Variants in SYNE1 observed in about 807,000 individuals in gnomAD.
SYNE1 encodes spectrin repeat containing nuclear envelope protein 1, also known as nesprin-1.
In SYNE1, 616 loss-of-function variants were observed where a neutral mutation model predicts 1,111.0. The ratio of observed to expected loss-of-function variants is 0.55; its 90% CI spans 0.52 to 0.59. The LOEUF is 0.59. Ranked by LOEUF, SYNE1 falls within the 20% of genes least tolerant of loss-of-function variation. The pLI is 0.00. For synonymous variants in SYNE1, 3,855 were observed against 3,825.8 expected, an observed-to-expected ratio of 1.01 and a Z score of -0.28; for missense variants, 10,006 against 10,417.0, an observed-to-expected ratio of 0.96 and a Z score of 1.72.
chr6:152,605,033 A>AGGGG (rs1284002995), intron 3 of SYNE1, among the ~76,000 whole-genome samples: 20 of 25,432 alleles, frequency 7.9e-4, no homozygotes, highest in African/African-American at 1.8e-3. Flanking sequence ...AGAGAGAGAG[A>AGGGG]GAGGGAGGGA....
chr6:152,163,227 G>A (rs1206929776), intron 131 of SYNE1, among the ~76,000 whole-genome samples: 4 of 152,236 alleles, frequency 2.6e-5, no homozygotes. Flanking sequence ...GCCTGGCACA[G>A]TGGCTCACGC....
In SYNE1 at chr6:152,456,015, C is replaced by G. The variant is rs1288453744; in HGVS notation, c.2598G>C (p.Lys866Asn). The G allele has an allele frequency of 6.2e-7, 1 of 1,613,870 alleles. No homozygotes were observed. Among genetic ancestry groups the G allele is most frequent in the African/African-American group, 1.3e-5 (1 of 75,044 alleles). Residue 866 changes from lysine (K) to asparagine (N), a missense_variant, in exon 23 of 146, where the codon AAG becomes AAC. Lys to Asn is a moderately conservative substitution (Grantham distance 94). Around this residue, in one of 7 missense-constraint regions of SYNE1, gnomAD observed 1,971 missense variants for 2,084.1 expected, o/e 0.95. Transcript: ENST00000367255. Reference sequence around the variant, plus strand: ...CTTTCTCAATAAGTGTCAAGGTTTTCTTACAGTTTTCTTGACAAGCTAACA... The same window carrying G: ...CTTTCTCAATAAGTGTCAAGGTTTTGTTACAGTTTTCTTGACAAGCTAACA... ...QELLACQENC[K>N]KTLTLIEKGS...
At chr6:152,236,070 A>G (rs1203818320) in intron 110 of SYNE1, 37 bp downstream of exon 110, 1 of 1,596,964 alleles carries the variant, frequency 6.3e-7, no homozygotes, top group Admixed American at 1.7e-5. Context: ...ACAATGCAGC[A>G]CTTATCTAAA....
intron 44 of SYNE1, among the ~76,000 whole-genome samples, chr6:152,408,511 T>C (rs1053807934): frequency 3.3e-5 from 5 of 152,198 alleles, no homozygotes; most frequent in Admixed American, 2.6e-4. Context: ...TTCAGAGTTA[T>C]AACTTGTTAT....
chr6:152,289,925 C>A (rs867793738), intron 95 of SYNE1, among the ~76,000 whole-genome samples: 2 of 130,000 alleles, frequency 1.5e-5, no homozygotes, highest in Non-Finnish European at 3.2e-5. Context: ...CGCGCCCAGC[C>A]TTTTTTTTTT....
At chr6:152,315,286 C>G (rs984149494) in intron 87 of SYNE1, 1 of 149,722 alleles carries the variant, frequency 6.7e-6, no homozygotes, top group Non-Finnish European at 1.5e-5. Flanking sequence ...ACTGCAACCT[C>G]CACCTCCCGA....
In SYNE1 at chr6:152,310,412, T is replaced by A. The variant is rs2095512155; in HGVS notation, c.17003A>T (p.Gln5668Leu). ...TTGGCTTACCTGCCGATGAGAGAGC[T>A]GCTCCTTGAGACTGAGACGTCCAAC... Reference protein sequence around the residue: ...PEVGRLSLKEQLSHRQHLLSE... With the variant: ...PEVGRLSLKELLSHRQHLLSE... Residue 5668 changes from glutamine to leucine, a missense_variant, in exon 89 of 146, where the codon CAG becomes CTG. Coordinates refer to ENST00000367255, the MANE Select transcript of SYNE1 (RefSeq NM_182961.4). 3 of 1,614,084 alleles carry A rather than the reference T, an allele frequency of 1.9e-6. No individual in the cohort carries two copies. Among genetic ancestry groups the A allele is most frequent in the Non-Finnish European group, 2.5e-6 (3 of 1,180,054 alleles).
At chr6:152,470,866 G>T (rs532925634) in intron 16 of SYNE1, among the ~76,000 whole-genome samples, 1 of 152,260 alleles carries the variant, frequency 6.6e-6, no homozygotes, top group Admixed American at 6.5e-5. Context: ...AAATTAATTT[G>T]TAGGATGGCC....
intron 78 of SYNE1, 134 bp from the exon 79 acceptor site, chr6:152,326,767 G>T: frequency 1.2e-6 from 1 of 822,686 alleles, no homozygotes; most frequent in South Asian, 1.6e-5. Flanking sequence ...ATAAGTTAGT[G>T]GAATATTTTT....
intron 129 of SYNE1, among the ~76,000 whole-genome samples, chr6:152,177,307 A>G (rs573110008): frequency 3.9e-5 from 6 of 152,284 alleles, no homozygotes; most frequent in Admixed American, 2.6e-4. Flanking sequence ...TTAACTGACG[A>G]TGAAAGGACA....
chr6:152,272,966 T>C (rs764629283), intron 98 of SYNE1, among the ~76,000 whole-genome samples: 1 of 152,246 alleles, frequency 6.6e-6, no homozygotes, highest in Non-Finnish European at 1.5e-5. Flanking sequence ...GCTCCTTTTC[T>C]TCCCACAGAT....
At chr6:152,477,381 T>C (rs2098841262) in intron 14 of SYNE1, among the ~76,000 whole-genome samples, 1 of 152,094 alleles carries the variant, frequency 6.6e-6, no homozygotes, top group South Asian at 2.1e-4. Context: ...GAGGGGACCT[T>C]TTAGTAAAGG....
rs771370749 is a variant in SYNE1, at chr6:152,281,928, CT to C, written c.18259del (p.Arg6087GlyfsTer14). 1 of 1,614,184 alleles carries C rather than the reference CT, an allele frequency of 6.2e-7. No individual in the cohort carries two copies. The highest frequency in any genetic ancestry group is 1.7e-5 in the Admixed American group (1 of 60,020). ...CAGCTCATCGGCTTCACAGCGATAC[CT>C]CTGCAGGGCCTGTTCCTGCCTTTGT... is the stretch of plus-strand genomic sequence containing the variant. ...EEQRQEQALQ[R>X]YRCEADELDS... On this transcript the variant is annotated frameshift_variant, in exon 97 of 146. Coordinates refer to ENST00000367255, the MANE Select transcript of SYNE1 (RefSeq NM_182961.4). LOFTEE classifies it high-confidence loss of function.
intron 135 of SYNE1, 68 bp from the exon 136 acceptor site, chr6:152,149,736 T>C (rs1469305247): frequency 5.9e-6 from 8 of 1,355,528 alleles, no homozygotes; most frequent in African/African-American, 5.8e-5. Context: ...AGAATCATAA[T>C]AGATGTATTT....
At chr6:152,481,279 T>C (rs146892052) in intron 14 of SYNE1, 20 of 248,148 alleles carry the variant, frequency 8.1e-5, no homozygotes, top group African/African-American at 4.0e-4. Context: ...CTGGACCTCG[T>C]CTGTGCCCCT....
chr6:152,428,334 G>T lies in SYNE1; in HGVS notation c.4847C>A (p.Ala1616Asp). 1 of 1,614,104 alleles carries T rather than the reference G, an allele frequency of 6.2e-7. No individual in the cohort carries two copies. The highest frequency in any genetic ancestry group is 1.3e-5 in the African/African-American group (1 of 75,026). ...GGAATCTCTGTTCACAACCTTCCTGGCACTGGCTGAGAAGGCAGTGATCGC... is the reference window on the plus strand; with the variant it reads ...GGAATCTCTGTTCACAACCTTCCTGTCACTGGCTGAGAAGGCAGTGATCGC... ...SSAITAFSASARKVVNRDSCV... is the reference protein window; with the variant it reads ...SSAITAFSASDRKVVNRDSCV... Residue 1616 changes from alanine to aspartate, a missense_variant, in exon 37 of 146, where the codon GCC (alanine) becomes GAC (aspartate). This residue lies in a region of SYNE1 where 1,971 missense variants were observed against 2,084.1 expected (regional missense o/e 0.95). Transcript: ENST00000367255.
intron 24 of SYNE1, 132 bp downstream of exon 24, chr6:152,455,293 TA>T: frequency 3.2e-6 from 3 of 951,646 alleles, no homozygotes; most frequent in East Asian, 2.6e-5. Flanking sequence ...GTCTCATACC[TA>T]AAAAGTCTCT....
At chr6:152,469,188 T>C (rs144746079) in intron 16 of SYNE1, among the ~76,000 whole-genome samples, 43 of 152,260 alleles carry the variant, frequency 2.8e-4, no homozygotes, top group African/African-American at 1.0e-3. Context: ...CTCTTTGAAA[T>C]AGCCTGTTCT....
Position 152,441,211 on chromosome 6 carries a change from A to T in SYNE1, c.4068T>A (p.Leu1356=). 6.2e-7 allele frequency: 1 copy of T among 1,612,898 alleles called. No homozygotes were observed. The highest frequency in any genetic ancestry group is 1.1e-5 in the South Asian group (1 of 90,924). ...ETNKETVVRY[L]FQTGSSHERF... ...GTTCATGACTGGAACCTGTTTGAAA[A>T]AGGTATCTTACTACTGTTTCTTTGT... The change falls in exon 32 of 146, where the codon CTT becomes CTA. Residue 1356 remains leucine (L), a synonymous_variant. Transcript: ENST00000367255.
Sources: gnomAD v4.1 joint callset for allele counts (sites outside exome capture counted in the v4.1 genomes callset) on GRCh38, gnomAD v4.1.1 for gene constraint, gnomAD v4.1.1 regional missense constraint, MANE v1.5 for transcripts, NCBI Gene and HGNC (gene_info 2026-07-23, HGNC 2026-07-21) for gene names.